The following HSF5 variants were observed in gnomAD, a reference collection of about 807,000 sequenced individuals.
The protein encoded by HSF5 is heat shock factor protein 5.
A neutral mutation model predicts 50.8 loss-of-function variants in HSF5; 5 were observed. The ratio of observed to expected loss-of-function variants is 0.10; its 90% CI spans 0.05 to 0.21. HSF5 has a LOEUF of 0.21. HSF5 is among the 10% of genes least tolerant of loss of function. The probability of loss-of-function intolerance (pLI) is 1.00; values close to 1 mark genes in which losing one functional copy is unlikely to be tolerated. For missense variants in HSF5, 564 were observed against 762.6 expected, an observed-to-expected ratio of 0.74 and a Z score of 3.07; for synonymous variants, 307 against 307.4, an observed-to-expected ratio of 1.00 and a Z score of 0.02.
rs564400126 is a variant in HSF5, at chr17:58,451,431, C to T, written c.1720+7337G>A. Among the ~76,000 whole-genome samples the T allele has an allele frequency of 5.2e-4, 79 of 152,218 alleles. 1 individual carries two copies. Among genetic ancestry groups the T allele is most frequent in the African/African-American group, 1.8e-3 (76 of 41,554 alleles). ...GGAACAATCTCCAGAATAGACCATA[C>T]GTTAGGCCATAAAAGAAGTCTTAAC... On this transcript the variant is annotated intron_variant, in intron 5 of 5. Coordinates refer to ENST00000323777, the MANE Select transcript of HSF5 (RefSeq NM_001080439.3).
chr17:58,479,868 G>A (rs780318361), intron 2 of HSF5, 25 bp downstream of exon 2: 2 of 1,577,774 alleles, frequency 1.3e-6, no homozygotes, highest in South Asian at 2.3e-5. Flanking sequence ...TTAAATAGAA[G>A]GCCATGAACC....
intron 5 of HSF5, among the ~76,000 whole-genome samples, chr17:58,427,472 T>C (rs940670854): frequency 1.3e-5 from 2 of 152,164 alleles, no homozygotes; most frequent in Non-Finnish European, 2.9e-5. Context: ...ATGTCAGAAT[T>C]ATAGCATTTC....
At chr17:58,450,165 G>A (rs1488981374) in intron 5 of HSF5, among the ~76,000 whole-genome samples, 1 of 150,906 alleles carries the variant, frequency 6.6e-6, no homozygotes, top group East Asian at 1.9e-4. Context: ...GTGAAATTCT[G>A]TTTCTACCAA....
intron 5 of HSF5, among the ~76,000 whole-genome samples, chr17:58,452,153 G>A (rs954874795): frequency 4.6e-5 from 7 of 152,012 alleles, no homozygotes; most frequent in Non-Finnish European, 8.8e-5. Flanking sequence ...GGAAGGCTGA[G>A]GCAGGAGGAT....
At chr17:58,474,891 C>G (rs983420531) in intron 2 of HSF5, among the ~76,000 whole-genome samples, 2 of 152,066 alleles carry the variant, frequency 1.3e-5, no homozygotes, top group Admixed American at 6.6e-5. Flanking sequence ...ATCTTGTTTT[C>G]AAAGATTGTG....
Position 58,452,358 on chromosome 17 carries a change from TA to T in HSF5, c.1720+6409del, listed in dbSNP as rs570217168. 1.7e-4 allele frequency among the ~76,000 whole-genome samples: 26 copies of T among 152,206 alleles called. No individual in the cohort carries two copies. The East Asian group carries it at 5.0e-3, about 29-fold the overall frequency. ...ACTAACACCAGAGAAGTACAAAGGA[TA>T]AGAGACTACTATGAACAACTACACA... On this transcript the variant is annotated intron_variant, in intron 5 of 5. Coordinates refer to ENST00000323777, the MANE Select transcript of HSF5 (RefSeq NM_001080439.3).
chr17:58,461,018 A>G (rs1250535605), intron 4 of HSF5, among the ~76,000 whole-genome samples: 2 of 151,426 alleles, frequency 1.3e-5, no homozygotes, highest in Non-Finnish European at 2.9e-5. Flanking sequence ...CAGGAGTTCA[A>G]CACCAGCCAA....
intron 5 of HSF5, among the ~76,000 whole-genome samples, chr17:58,449,287 A>G (rs1488581652): frequency 6.6e-6 from 1 of 152,274 alleles, no homozygotes; most frequent in East Asian, 1.9e-4. Flanking sequence ...CCTGTAAGTC[A>G]TAACTTTGAA....
chr17:58,474,974 T>A (rs906797239), intron 2 of HSF5, among the ~76,000 whole-genome samples: 2 of 152,172 alleles, frequency 1.3e-5, no homozygotes, highest in Non-Finnish European at 2.9e-5. Flanking sequence ...CCATTTTCTA[T>A]GTAACATGGT....
At chr17:58,467,926 A>G (rs986243607) in intron 2 of HSF5, among the ~76,000 whole-genome samples, 2 of 152,246 alleles carry the variant, frequency 1.3e-5, no homozygotes, top group Non-Finnish European at 2.9e-5. Context: ...TGGTTTAAAC[A>G]GAGGATGATG....
chr17:58,470,343 G>A (rs1300093571), intron 2 of HSF5, among the ~76,000 whole-genome samples: 3 of 152,136 alleles, frequency 2.0e-5, no homozygotes, highest in African/African-American at 7.2e-5. Context: ...CCTTTAAAAG[G>A]AAGAAAATTC....
At chr17:58,478,220 T>C (rs1975044730) in intron 2 of HSF5, among the ~76,000 whole-genome samples, 1 of 149,484 alleles carries the variant, frequency 6.7e-6, no homozygotes, top group East Asian at 2.0e-4. Context: ...GATCACGAGG[T>C]CAGGAGTTTG....
Position 58,488,157 on chromosome 17 carries a change from G to A in HSF5, c.118C>T (p.Leu40Phe). ...IRWDGRGEGLLIDQPLFEAEL... is the reference protein window; with the variant it reads ...IRWDGRGEGLFIDQPLFEAEL... ...GCCTCGAAGAGCGGCTGATCGATAA[G>A]CAGCCCCTCGCCGCGGCCGTCCCAG... The change falls in exon 1 of 6, where the codon CTT (leucine) becomes TTT (phenylalanine). Residue 40 changes from leucine (L) to phenylalanine (F), a missense_variant. This residue lies in a region of HSF5 where 72 missense variants were observed against 110.9 expected (regional missense o/e 0.65). Transcript: ENST00000323777. The surrounding 1 kb of genome is among the most constrained non-coding windows in gnomAD (Gnocchi z 4.1). The A allele has an allele frequency of 6.5e-7, 1 of 1,537,768 alleles. No individual in the cohort carries two copies.
intron 2 of HSF5, among the ~76,000 whole-genome samples, chr17:58,478,124 G>A (rs1253936661): frequency 6.6e-6 from 1 of 151,786 alleles, no homozygotes; most frequent in Non-Finnish European, 1.5e-5. Flanking sequence ...CTGCTGTTGT[G>A]TTTTTGCAAA....
intron 5 of HSF5, among the ~76,000 whole-genome samples, chr17:58,450,393 G>T (rs1332497268): frequency 1.3e-5 from 2 of 148,594 alleles, no homozygotes; most frequent in East Asian, 3.9e-4. Flanking sequence ...TGAAGGGATG[G>T]AGAAGAATGT....
chr17:58,451,275 C>G (rs2143763854), intron 5 of HSF5, among the ~76,000 whole-genome samples: 1 of 152,244 alleles, frequency 6.6e-6, no homozygotes, highest in East Asian at 1.9e-4. Flanking sequence ...CAGCAATGGA[C>G]AAATCATCCA....
intron 5 of HSF5, among the ~76,000 whole-genome samples, chr17:58,445,172 A>G (rs2531726): frequency 0.65 from 99,593 of 152,102 alleles, 33,068 homozygotes; most frequent in African/African-American, 0.75. Flanking sequence ...ATTATAAAAT[A>G]GTATAGCAGC....
intron 2 of HSF5, chr17:58,476,494 G>T (rs1975013612): frequency 1.8e-6 from 2 of 1,129,678 alleles, no homozygotes; most frequent in Non-Finnish European, 2.7e-6. Flanking sequence ...GGACTTTGAA[G>T]ATGGATCACC....
chr17:58,477,129 T>TC (rs1348058892), intron 2 of HSF5, among the ~76,000 whole-genome samples: 260 of 146,886 alleles, frequency 1.8e-3, no homozygotes, highest in African/African-American at 5.5e-3. Flanking sequence ...TTTTTTTTTT[T>TC]TTTTTTTTGA....
Sources: allele counts gnomAD v4.1 joint callset (sites outside exome capture counted in the v4.1 genomes callset), GRCh38; gene constraint gnomAD v4.1.1; regional missense constraint gnomAD v4.1.1; non-coding constraint Gnocchi (gnomAD v3.1); transcripts MANE v1.5; gene names NCBI Gene and HGNC (gene_info 2026-07-23, HGNC 2026-07-21).